The following FNTB variants were observed in gnomAD, a reference collection of about 807,000 sequenced individuals.
FNTB encodes farnesyltransferase, CAAX box, subunit beta.
A neutral mutation model predicts 59.4 loss-of-function variants in FNTB; 27 were observed. The ratio of observed to expected loss-of-function variants is 0.45; its 90% CI spans 0.34 to 0.63. FNTB has a LOEUF of 0.63. Ranked by LOEUF, FNTB falls within the 20% of genes least tolerant of loss-of-function variation. The pLI, the probability that FNTB is intolerant of heterozygous loss-of-function variation, is 0.02. For synonymous variants in FNTB, 230 were observed against 220.7 expected (o/e 1.04, Z -0.37); for missense variants, 449 against 559.6 (o/e 0.80, Z 1.99).
chr14:65,048,550 A>G (rs1462138747), intron 9 of FNTB, among the ~76,000 whole-genome samples: 7 of 152,186 alleles, frequency 4.6e-5, no homozygotes, highest in African/African-American at 1.7e-4. Context: ...AGAAGAAGGA[A>G]TTACTATTAG....
rs533542108 is a variant in FNTB at position 65,045,644 on chromosome 14, T to G, written c.955+1201T>G. 2.8e-3 allele frequency among the ~76,000 whole-genome samples: 425 copies of G among 152,228 alleles called. 1 individual carries two copies. Among genetic ancestry groups the G allele is most frequent in the Non-Finnish European group, 4.7e-3 (317 of 67,980 alleles). On this transcript the variant is annotated intron_variant, in intron 9 of 11. Transcript: ENST00000246166. The stretch of plus-strand genomic sequence containing the variant: ...TTGGACAGGCTGTTCTTGAACTCCT[T>G]ACCTCAGGTGATCCGCCCACTTCGG...
rs185727742 is a variant in FNTB, at chr14:65,000,229, C to A, written c.145-4020C>A. ...TTTTGTGTCATTCAGAATTCATTAA[C>A]TCACTTAGATAAAACAGTACAGTTG... is the stretch of plus-strand genomic sequence containing the variant. On this transcript the variant is annotated intron_variant, in intron 1 of 11. Transcript: ENST00000246166. Among the ~76,000 whole-genome samples, 5 of 152,310 alleles carry A rather than the reference C, an allele frequency of 3.3e-5. No individual in the cohort carries two copies. The East Asian group carries it at 9.6e-4, about 29-fold the overall frequency.
chr14:65,024,921 T>A (rs2061952478), intron 4 of FNTB, among the ~76,000 whole-genome samples: 1 of 151,614 alleles, frequency 6.6e-6, no homozygotes, highest in Non-Finnish European at 1.5e-5. Context: ...GCCTGGCTCC[T>A]TTTTTTTGTT....
At position 65,029,074 on chromosome 14, in the gene FNTB, G is replaced by A. The variant is rs544269442; in HGVS notation, c.605+1293G>A. Among the ~76,000 whole-genome samples, 1 of 151,978 alleles carries A rather than the reference G, an allele frequency of 6.6e-6. No homozygotes were observed. Among genetic ancestry groups the A allele is most frequent in the South Asian group, 2.1e-4 (1 of 4,810 alleles). ...AGATAAATGCTAGGAAACTTCTCCA[G>A]TAAGGCAGCTTGGTTCCCCTGCCAA... On this transcript the variant is annotated intron_variant, in intron 6 of 11. Coordinates refer to ENST00000246166, the MANE Select transcript of FNTB (RefSeq NM_002028.4). This position sits in a 1 kb window ranked among gnomAD's most constrained non-coding sequence, Gnocchi z 4.7.
intron 9 of FNTB, among the ~76,000 whole-genome samples, chr14:65,046,814 TAGAA>T (rs764363252): frequency 7.9e-5 from 12 of 151,688 alleles, no homozygotes; most frequent in Non-Finnish European, 1.2e-4. Context: ...AAAAAATTCA[TAGAA>T]AGTATCTAGG....
chr14:65,013,667 C>G (rs1249751211), intron 3 of FNTB, among the ~76,000 whole-genome samples: 1 of 152,166 alleles, frequency 6.6e-6, no homozygotes, highest in Non-Finnish European at 1.5e-5. Flanking sequence ...CTTGCCTCAG[C>G]CTTCTGAGTG....
In FNTB at chr14:65,054,208, G is replaced by A. The variant is rs772081806; in HGVS notation, c.1068-367G>A. On this transcript the variant is annotated intron_variant, in intron 10 of 11. Transcript: ENST00000246166. This position sits in a 1 kb window ranked among gnomAD's most constrained non-coding sequence, Gnocchi z 4.4. ...ACTCACTGCAGCCTTCACCTCTTGG[G>A]CTCGAGTGATCCTCCTGCTTCAGCC... Among the ~76,000 whole-genome samples the A allele has an allele frequency of 9.2e-5, 14 of 152,000 alleles. No homozygotes were observed. Among genetic ancestry groups the A allele is most frequent in the Non-Finnish European group, 1.2e-4 (8 of 68,008 alleles).
Position 65,040,863 on chromosome 14 carries a change from C to T in FNTB, c.766C>T (p.Leu256=), listed in dbSNP as rs781068835. The T allele has an allele frequency of 2.5e-6, 4 of 1,614,012 alleles. No individual in the cohort carries two copies. Among genetic ancestry groups the T allele is most frequent in the Non-Finnish European group, 3.4e-6 (4 of 1,179,974 alleles). Residue 256 remains leucine, a synonymous_variant, in exon 8 of 12, where the codon CTG becomes TTG. Coordinates refer to ENST00000246166, the MANE Select transcript of FNTB (RefSeq NM_002028.4). ...EAHGGYTFCG[L]AALVILKRER... is the part of the protein sequence containing the mutation. ...CCATGGTGGCTATACCTTCTGTGGC[C>T]TGGCCGCGCTGGTAATCCTCAAGAG...
At chr14:65,035,103 T>C (rs1226652466) in intron 7 of FNTB, among the ~76,000 whole-genome samples, 1 of 152,258 alleles carries the variant, frequency 6.6e-6, no homozygotes, top group Non-Finnish European at 1.5e-5. Context: ...TTGACTTTCC[T>C]GTTTCTGGAT....
At position 64,995,445 on chromosome 14, in the gene FNTB, A is replaced by G. The variant is rs1888357023; in HGVS notation, c.144+8348A>G. ...ACTTTTATAACACTGACAGTGCAGT[A>G]GGTTTATTTACACCAGCATCACCAC... is the stretch of plus-strand genomic sequence containing the variant. On this transcript the variant is annotated intron_variant, in intron 1 of 11. Transcript: ENST00000246166. 2.0e-5 allele frequency among the ~76,000 whole-genome samples: 3 copies of G among 152,168 alleles called. No individual in the cohort carries two copies. In the South Asian group the frequency reaches 6.2e-4, roughly 31 times the overall value.
chr14:65,006,378 C>T, intron 2 of FNTB: 1 of 1,540,296 alleles, frequency 6.5e-7, no homozygotes, highest in Non-Finnish European at 8.8e-7. Flanking sequence ...ATGCTCTGAC[C>T]TCAATAAAAT....
At chr14:65,059,054 A>G (rs1337428293) in intron 11 of FNTB, among the ~76,000 whole-genome samples, 1 of 151,874 alleles carries the variant, frequency 6.6e-6, no homozygotes, top group Non-Finnish European at 1.5e-5. Context: ...ACATGATCTC[A>G]CTCTGTCACT....
At chr14:65,051,462 T>A (rs2062607826) in intron 9 of FNTB, among the ~76,000 whole-genome samples, 1 of 151,828 alleles carries the variant, frequency 6.6e-6, no homozygotes. Context: ...AATACAAGAA[T>A]TAGCCAGGCA....
At position 65,001,676 on chromosome 14, in the gene FNTB, CA is replaced by C. The variant is rs756870240; in HGVS notation, c.145-2570del. On this transcript the variant is annotated intron_variant, in intron 1 of 11. Transcript: ENST00000246166. This position sits in a 1 kb window ranked among gnomAD's most constrained non-coding sequence, Gnocchi z 5.5. Reference sequence around the variant, plus strand: ...CTGAGGGATGATGGTATATCATAGGCAAATCTTTATTTAATGATCTTACCAA... The same window carrying C: ...CTGAGGGATGATGGTATATCATAGGCAATCTTTATTTAATGATCTTACCAA... Among the ~76,000 whole-genome samples the C allele has an allele frequency of 6.6e-6, 1 of 152,182 alleles. No homozygotes were observed. The highest frequency in any genetic ancestry group is 6.5e-5 in the Admixed American group (1 of 15,282).
rs1046760743 is a variant in FNTB at position 65,062,348 on chromosome 14, A to T, written c.*1036A>T. The T allele has an allele frequency of 1.3e-5, 2 of 152,378 alleles. No homozygotes were observed. Among genetic ancestry groups the T allele is most frequent in the African/African-American group, 2.4e-5 (1 of 41,462 alleles). The allele number at this position is 152,378 out of a possible 1,614,324, so 9.4% of individuals were successfully genotyped here. On this transcript the variant is annotated 3_prime_UTR_variant, in exon 12 of 12. Transcript: ENST00000246166. This position sits in a 1 kb window ranked among gnomAD's most constrained non-coding sequence, Gnocchi z 4.3. The stretch of plus-strand genomic sequence containing the variant: ...GTGCTAGACACACTGGCTGCTACTA[A>T]GGCACTAGCCTCTGTAGCTGGTGGT...
chr14:64,996,941 T>C (rs1888421247), intron 1 of FNTB, among the ~76,000 whole-genome samples: 1 of 152,130 alleles, frequency 6.6e-6, no homozygotes, highest in South Asian at 2.1e-4. Flanking sequence ...TTAATCCTTT[T>C]ATGCATTCAT....
chr14:64,998,484 A>G (rs1004322286), intron 1 of FNTB, among the ~76,000 whole-genome samples: 1 of 152,220 alleles, frequency 6.6e-6, no homozygotes, highest in African/African-American at 2.4e-5. Context: ...TGGACAGGCA[A>G]TTGCTGGACA....
intron 11 of FNTB, among the ~76,000 whole-genome samples, chr14:65,060,348 G>C (rs551464278): frequency 8.6e-5 from 13 of 151,500 alleles, no homozygotes; most frequent in African/African-American, 3.1e-4. Context: ...CAGCACTTTG[G>C]GAGGCCGAGG....
chr14:65,004,045 T>C (rs1228036474), intron 1 of FNTB, among the ~76,000 whole-genome samples: 1 of 152,180 alleles, frequency 6.6e-6, no homozygotes, highest in Non-Finnish European at 1.5e-5. Flanking sequence ...GAAAAGTCCA[T>C]TGTGATGCCA....
Sources: gnomAD v4.1 joint callset for allele counts (sites outside exome capture counted in the v4.1 genomes callset) on GRCh38, gnomAD v4.1.1 for gene constraint, Gnocchi (gnomAD v3.1) non-coding constraint, MANE v1.5 for transcripts, NCBI Gene and HGNC (gene_info 2026-07-23, HGNC 2026-07-21) for gene names.